ANKRD31: variants seen among roughly 807,000 people sequenced by gnomAD.
The protein encoded by ANKRD31 is ankyrin repeat domain 31.
Under a neutral mutation model 186.0 loss-of-function variants are expected in ANKRD31, and 147 were observed. The observed-to-expected ratio is 0.79, with a 90% CI of 0.69 to 0.91. The LOEUF is 0.91. ANKRD31 is among the 40% of genes least tolerant of loss of function. ANKRD31 has a pLI of 0.00. For missense variants in ANKRD31, 1,986 were observed against 2,148.8 expected, an observed-to-expected ratio of 0.92 and a Z score of 1.50; for synonymous variants, 673 against 736.4, an observed-to-expected ratio of 0.91 and a Z score of 1.39.
chr5:75,233,896 G>A (rs1017712437), intron 1 of ANKRD31, among the ~76,000 whole-genome samples: 1 of 151,808 alleles, frequency 6.6e-6, no homozygotes, highest in African/African-American at 2.4e-5. Context: ...CAGCCTGGGT[G>A]ATAGAATGAG....
chr5:75,208,710 G>A (rs1756413117), intron 4 of ANKRD31, among the ~76,000 whole-genome samples: 1 of 152,162 alleles, frequency 6.6e-6, no homozygotes, highest in South Asian at 2.1e-4. Flanking sequence ...GACAACCTTT[G>A]TTCAGAGTGA....
chr5:75,130,343 C>T (rs1749679275), intron 17 of ANKRD31, among the ~76,000 whole-genome samples: 2 of 152,338 alleles, frequency 1.3e-5, no homozygotes, highest in South Asian at 2.1e-4. Flanking sequence ...AAGAACAAAG[C>T]TTCCACAGTG....
At chr5:75,112,379 G>T in intron 20 of ANKRD31, 134 bp downstream of exon 20, 1 of 536,904 alleles carries the variant, frequency 1.9e-6, no homozygotes, top group Non-Finnish European at 3.2e-6. Context: ...ATAATTCCTA[G>T]CACTTTAAAT....
At chr5:75,084,230 T>G in intron 24 of ANKRD31, 42 bp downstream of exon 24, 1 of 1,427,774 alleles carries the variant, frequency 7.0e-7, no homozygotes, top group South Asian at 1.3e-5. Context: ...GGTTTTGGTG[T>G]TTTATCCCAC....
chr5:75,205,288 A>G (rs1042383619), intron 5 of ANKRD31, among the ~76,000 whole-genome samples: 30 of 152,062 alleles, frequency 2.0e-4, no homozygotes, highest in African/African-American at 7.2e-4. Context: ...ATTTGCATGA[A>G]CTCTAAATTC....
intron 1 of ANKRD31, among the ~76,000 whole-genome samples, chr5:75,235,421 T>C (rs1000935527): frequency 6.6e-6 from 1 of 152,082 alleles, no homozygotes; most frequent in Admixed American, 6.6e-5. Flanking sequence ...GCAGGTAGAT[T>C]GGGGACTGAA....
chr5:75,180,485 A>G (rs1754198251), intron 10 of ANKRD31, among the ~76,000 whole-genome samples: 2 of 152,212 alleles, frequency 1.3e-5, no homozygotes, highest in Non-Finnish European at 2.9e-5. Context: ...TTCAAAGTAT[A>G]CTACAAGGCT....
At position 75,096,770 on chromosome 5, in the gene ANKRD31, C is replaced by T. The variant is rs181990847; in HGVS notation, c.5332-5369G>A. Among the ~76,000 whole-genome samples, 453 of 151,996 alleles carry T rather than the reference C, an allele frequency of 3.0e-3. 3 individuals carry two copies. The highest frequency in any genetic ancestry group is 9.7e-3 in the African/African-American group (402 of 41,446). ...TGTTGGTGTGCTGCACCCATTAACT[C>T]GTCATTTACATTAGGTATATCTCCT... On this transcript the variant is annotated intron_variant, in intron 22 of 25. Transcript: ENST00000506364.
rs1756215811 is a variant in ANKRD31 at position 75,206,251 on chromosome 5, ATATATATATATATATATATATATATATAT to A, written c.403+131_403+159del. ...AAAAAAAAAAAAAAAAAAAAAAAAT[ATATATATATATATATATATATATATATAT>A]ATATATATATATATATATATATATA... is the stretch of plus-strand genomic sequence containing the variant. On this transcript the variant is annotated intron_variant, in intron 5 of 25. Transcript: ENST00000506364. Among the ~76,000 whole-genome samples the A allele has an allele frequency of 0.011, 20 of 1,848 alleles. 3 individuals are homozygous for A. In the East Asian group the frequency reaches 0.18, roughly 17 times the overall value. The allele number at this position is 1,848 out of a possible 152,430, so 1.2% of individuals were successfully genotyped here. A position where few individuals can be genotyped will look rare whatever the true frequency, so the allele number is the denominator to read the frequency against.
intron 17 of ANKRD31, among the ~76,000 whole-genome samples, chr5:75,120,073 C>T (rs1748633289): frequency 6.8e-6 from 1 of 148,026 alleles, no homozygotes. Context: ...TATAATTGAC[C>T]AATGTAAAGA....
At chr5:75,069,385 C>G (rs1482180434) in intron 25 of ANKRD31, among the ~76,000 whole-genome samples, 1 of 151,972 alleles carries the variant, frequency 6.6e-6, no homozygotes, top group Non-Finnish European at 1.5e-5. Flanking sequence ...TATGGCCAAC[C>G]CTTTCTTCAT....
chr5:75,235,174 C>T (rs1758181966), intron 1 of ANKRD31, among the ~76,000 whole-genome samples: 1 of 150,232 alleles, frequency 6.7e-6, no homozygotes, highest in Non-Finnish European at 1.5e-5. Context: ...TTCCTAATTG[C>T]TCTTATTTAT....
chr5:75,165,613 T>C (rs996720166), intron 11 of ANKRD31, among the ~76,000 whole-genome samples: 6 of 152,150 alleles, frequency 3.9e-5, no homozygotes, highest in South Asian at 2.1e-4. Flanking sequence ...GCAATGAGCA[T>C]ACCTTGCATC....
chr5:75,169,632 A>T (rs1324792074), intron 10 of ANKRD31, among the ~76,000 whole-genome samples: 2 of 152,210 alleles, frequency 1.3e-5, no homozygotes, highest in Non-Finnish European at 2.9e-5. Context: ...CCAGTCATAC[A>T]GGCAAATATT....
rs543358097 is a variant in ANKRD31, at chr5:75,080,764, G to A, written c.5576-125C>T. ...AGCTCTTCCTTGACATTTTAGGAGAGATGATTTAAAAAATAAAATAATAAA... is the reference window on the plus strand; with the variant it reads ...AGCTCTTCCTTGACATTTTAGGAGAAATGATTTAAAAAATAAAATAATAAA... On this transcript the variant is annotated intron_variant, in intron 24 of 25. Transcript: ENST00000506364. 4 of 492,614 alleles carry A rather than the reference G, an allele frequency of 8.1e-6. No homozygotes were observed. In the South Asian group the frequency reaches 2.1e-4, roughly 25 times the overall value. The allele number at this position is 492,614 out of a possible 1,614,324, so 30.5% of individuals were successfully genotyped here. A position where few individuals can be genotyped will look rare whatever the true frequency, so the allele number is the denominator to read the frequency against.
At chr5:75,172,723 C>T (rs1175419747) in intron 10 of ANKRD31, among the ~76,000 whole-genome samples, 1 of 152,020 alleles carries the variant, frequency 6.6e-6, no homozygotes, top group African/African-American at 2.4e-5. Context: ...CAATAACAGG[C>T]TCTGAAACTG....
At chr5:75,217,716 C>T (rs951129429) in intron 3 of ANKRD31, among the ~76,000 whole-genome samples, 1 of 152,126 alleles carries the variant, frequency 6.6e-6, no homozygotes, top group Admixed American at 6.6e-5. Flanking sequence ...TCCCACTTGC[C>T]ACTCTGTGTC....
intron 3 of ANKRD31, among the ~76,000 whole-genome samples, chr5:75,221,050 T>A (rs1232524117): frequency 1.3e-5 from 2 of 152,176 alleles, no homozygotes; most frequent in East Asian, 3.9e-4. Flanking sequence ...GAGGCCATTA[T>A]CCTTAGCAAA....
chr5:75,185,074 C>G (rs1343607395), intron 10 of ANKRD31, among the ~76,000 whole-genome samples: 2 of 152,044 alleles, frequency 1.3e-5, no homozygotes, highest in Non-Finnish European at 2.9e-5. Flanking sequence ...ATGGAAGAAC[C>G]TGGGGGACAT....
Sources: allele counts gnomAD v4.1 joint callset (sites outside exome capture counted in the v4.1 genomes callset), GRCh38; gene constraint gnomAD v4.1.1; transcripts MANE v1.5; gene names NCBI Gene and HGNC (gene_info 2026-07-23, HGNC 2026-07-21).